Variants in RNF182 observed in about 807,000 individuals in gnomAD.
RNF182 encodes the protein ring finger protein 182, also known as E3 ubiquitin-protein ligase RNF182.
RNF182 carries 15 observed loss-of-function variants against 14.4 expected under a neutral mutation model. That is an observed-to-expected ratio of 1.04 (90% CI 0.70 to 1.60). The LOEUF (loss-of-function observed/expected upper bound fraction) is 1.60. Among genes scored for constraint, RNF182 ranks in the 40% most tolerant of loss-of-function variants. RNF182 has a pLI of 0.00. For synonymous variants in RNF182, 128 were observed against 122.9 expected, an observed-to-expected ratio of 1.04 and a Z score of -0.27; for missense variants, 268 against 294.8, an observed-to-expected ratio of 0.91 and a Z score of 0.67.
At chr6:13,954,225 G>A (rs1487794419) in intron 1 of RNF182, among the ~76,000 whole-genome samples, 1 of 152,068 alleles carries the variant, frequency 6.6e-6, no homozygotes, top group Admixed American at 6.6e-5. Flanking sequence ...TCAAAACATT[G>A]AAGAGACTTG....
chr6:13,926,142 C>G (rs1054168360), intron 1 of RNF182, among the ~76,000 whole-genome samples: 19 of 151,960 alleles, frequency 1.3e-4, no homozygotes, highest in African/African-American at 4.1e-4. Flanking sequence ...GGAAAATAAT[C>G]TAACATATAA....
At chr6:13,963,622 T>G (rs1263797298) in intron 1 of RNF182, among the ~76,000 whole-genome samples, 1 of 152,204 alleles carries the variant, frequency 6.6e-6, no homozygotes, top group Non-Finnish European at 1.5e-5. Flanking sequence ...GGCCTTTCTC[T>G]CTATGGTTTC....
chr6:13,933,711 G>A (rs753323626), intron 1 of RNF182, among the ~76,000 whole-genome samples: 1 of 151,978 alleles, frequency 6.6e-6, no homozygotes, highest in Non-Finnish European at 1.5e-5. Flanking sequence ...CAATTTGGAG[G>A]ATATATTTTC....
chr6:13,959,176 C>T lies in RNF182; in HGVS notation c.-366-15034C>T, dbSNP rs1245499313. Among the ~76,000 whole-genome samples, 3 of 152,162 alleles carry T rather than the reference C, an allele frequency of 2.0e-5. No individual in the cohort carries two copies. In the East Asian group the frequency reaches 5.8e-4, roughly 29 times the overall value. On this transcript the variant is annotated intron_variant, in intron 1 of 2. Coordinates refer to ENST00000488300, the MANE Select transcript of RNF182 (RefSeq NM_152737.4). ...CCAGCGTCAAGGTATTCCTTTATAG[C>T]AACACAAAACAGACTAAGGCAAGAT... is the stretch of plus-strand genomic sequence containing the variant.
At chr6:13,939,392 T>C (rs1759227446) in intron 1 of RNF182, among the ~76,000 whole-genome samples, 1 of 152,148 alleles carries the variant, frequency 6.6e-6, no homozygotes, top group Admixed American at 6.5e-5. Context: ...AGTAATGTTT[T>C]GAAGTTCTCT....
Position 13,978,063 on chromosome 6 carries a change from T to C in RNF182, c.*200T>C, listed in dbSNP as rs1581265634. On this transcript the variant is annotated 3_prime_UTR_variant, in exon 3 of 3. Coordinates refer to ENST00000488300, the MANE Select transcript of RNF182 (RefSeq NM_152737.4). ...ATTTCTACTTAGGGGTTAGCAAAATTGTATAAGCTCACACTTCATGGAGCA... is the reference window on the plus strand; with the variant it reads ...ATTTCTACTTAGGGGTTAGCAAAATCGTATAAGCTCACACTTCATGGAGCA... 1 of 572,612 alleles carries C rather than the reference T, an allele frequency of 1.7e-6. No homozygotes were observed. Among genetic ancestry groups the C allele is most frequent in the Non-Finnish European group, 3.1e-6 (1 of 324,312 alleles). The allele number at this position is 572,612 out of a possible 1,614,324, so 35.5% of individuals were successfully genotyped here. A position where few individuals can be genotyped will look rare whatever the true frequency, so the allele number is the denominator to read the frequency against.
chr6:13,940,183 T>G (rs1759254779), intron 1 of RNF182, among the ~76,000 whole-genome samples: 1 of 152,230 alleles, frequency 6.6e-6, no homozygotes, highest in African/African-American at 2.4e-5. Context: ...GAAGATCTCT[T>G]ATTTCTAATT....
intron 1 of RNF182, among the ~76,000 whole-genome samples, chr6:13,972,777 T>C (rs1187630382): frequency 6.6e-6 from 1 of 152,078 alleles, no homozygotes; most frequent in African/African-American, 2.4e-5. Context: ...TGCCTGGACG[T>C]CCAGGCAGAA....
At chr6:13,925,106 G>A (rs953906932) in intron 1 of RNF182, 83 bp downstream of exon 1, 8 of 109,042 alleles carry the variant, frequency 7.3e-5, no homozygotes, top group African/African-American at 1.9e-4. Flanking sequence ...CAGCCCCGCA[G>A]TCCTGGACGG....
At position 13,977,946 on chromosome 6, in the gene RNF182, G is replaced by A. The variant is rs1760383142; in HGVS notation, c.*83G>A. Reference sequence around the variant, plus strand: ...TAATTTATAATTTATTTTCTTTTATGTTCTTTATGATTAGTATCCATGACA... The same window carrying A: ...TAATTTATAATTTATTTTCTTTTATATTCTTTATGATTAGTATCCATGACA... On this transcript the variant is annotated 3_prime_UTR_variant, in exon 3 of 3. Transcript: ENST00000488300. 8.6e-6 allele frequency: 12 copies of A among 1,387,692 alleles called. No homozygotes were observed. The South Asian group carries it at 1.5e-4, about 17-fold the overall frequency. 86.0% of individuals were successfully genotyped at this position (1,387,692 alleles called of 1,614,324 possible).
chr6:13,944,250 TATC>T, intron 1 of RNF182, among the ~76,000 whole-genome samples: 1 of 152,288 alleles, frequency 6.6e-6, no homozygotes, highest in South Asian at 2.1e-4. Context: ...AGGGACCTAT[TATC>T]AGGTGTTGGC....
At chr6:13,967,066 G>T (rs1467636172) in intron 1 of RNF182, among the ~76,000 whole-genome samples, 1 of 152,002 alleles carries the variant, frequency 6.6e-6, no homozygotes, top group East Asian at 1.9e-4. Context: ...TCCAACTCTT[G>T]GGCTCAAGTG....
chr6:13,966,702 A>G (rs952547526), intron 1 of RNF182, among the ~76,000 whole-genome samples: 1 of 151,980 alleles, frequency 6.6e-6, no homozygotes, highest in Non-Finnish European at 1.5e-5. Context: ...GGTGGAGGTT[A>G]CAGTGAGCTG....
intron 1 of RNF182, among the ~76,000 whole-genome samples, chr6:13,968,261 T>C (rs1760086182): frequency 6.6e-6 from 1 of 152,174 alleles, no homozygotes; most frequent in East Asian, 1.9e-4. Flanking sequence ...GCAGAGGTGA[T>C]GCAAAGACGA....
intron 1 of RNF182, among the ~76,000 whole-genome samples, chr6:13,935,424 G>T (rs745895396): frequency 7.9e-5 from 12 of 152,070 alleles, no homozygotes; most frequent in Non-Finnish European, 1.6e-4. Context: ...CAAGATATGT[G>T]TGTGTATCAT....
At chr6:13,928,019 C>G (rs555853392) in intron 1 of RNF182, among the ~76,000 whole-genome samples, 49 of 152,246 alleles carry the variant, frequency 3.2e-4, no homozygotes, top group Middle Eastern at 3.4e-3. Context: ...GCACAGGAGA[C>G]ACATGGTCAT....
At chr6:13,955,325 G>T (rs1759699331) in intron 1 of RNF182, among the ~76,000 whole-genome samples, 1 of 152,120 alleles carries the variant, frequency 6.6e-6, no homozygotes, top group South Asian at 2.1e-4. Flanking sequence ...TCCATCATTG[G>T]TTGAAATCCT....
chr6:13,927,349 G>C (rs546594861), intron 1 of RNF182, among the ~76,000 whole-genome samples: 2 of 152,184 alleles, frequency 1.3e-5, no homozygotes, highest in Admixed American at 6.5e-5. Context: ...TTAGCCACCT[G>C]GTGGAAGCAG....
intron 1 of RNF182, among the ~76,000 whole-genome samples, chr6:13,942,781 C>T (rs1759332456): frequency 6.6e-6 from 1 of 152,156 alleles, no homozygotes; most frequent in South Asian, 2.1e-4. Flanking sequence ...ACTCTTTTTC[C>T]TATTTTCCAT....
Sources: gnomAD v4.1 joint callset for allele counts (sites outside exome capture counted in the v4.1 genomes callset) on GRCh38, gnomAD v4.1.1 for gene constraint, MANE v1.5 for transcripts, NCBI Gene and HGNC (gene_info 2026-07-23, HGNC 2026-07-21) for gene names.